Variants in SDC2 observed in about 807,000 individuals in gnomAD.
SDC2 encodes syndecan-2.
Under a neutral mutation model 22.2 loss-of-function variants are expected in SDC2, and 13 were observed. The observed-to-expected ratio is 0.59, with a 90% CI of 0.38 to 0.93. The LOEUF is 0.93. Ranked by LOEUF, SDC2 falls within the 40% of genes least tolerant of loss-of-function variation. The probability of loss-of-function intolerance (pLI) is 0.00; values close to 1 mark genes in which losing one functional copy is unlikely to be tolerated. For missense variants in SDC2, 235 were observed against 246.8 expected (o/e 0.95, Z 0.32); for synonymous variants, 94 against 92.8 (o/e 1.01, Z -0.07).
intron 3 of SDC2, among the ~76,000 whole-genome samples, chr8:96,604,381 A>G (rs982375560): frequency 3.9e-5 from 6 of 152,346 alleles, no homozygotes; most frequent in South Asian, 4.1e-4. Flanking sequence ...TATTCTTACT[A>G]TCATTTGTGT....
At chr8:96,557,950 A>T (rs183601182) in intron 1 of SDC2, among the ~76,000 whole-genome samples, 1 of 152,304 alleles carries the variant, frequency 6.6e-6, no homozygotes, top group African/African-American at 2.4e-5. Flanking sequence ...ACAGTGCGTT[A>T]AACTTATCCT....
intron 1 of SDC2, among the ~76,000 whole-genome samples, chr8:96,545,504 G>A (rs556618587): frequency 6.6e-6 from 1 of 152,310 alleles, no homozygotes. Flanking sequence ...TAAGTGGATG[G>A]AGAGGAGATG....
chr8:96,530,521 C>T (rs560744839), intron 1 of SDC2, among the ~76,000 whole-genome samples: 1 of 152,192 alleles, frequency 6.6e-6, no homozygotes, highest in South Asian at 2.1e-4. Context: ...GTAATCCCAG[C>T]TACTTGGGAG....
At chr8:96,519,854 C>CAAG (rs1381750170) in intron 1 of SDC2, among the ~76,000 whole-genome samples, 101 of 152,180 alleles carry the variant, frequency 6.6e-4, no homozygotes, top group Middle Eastern at 6.8e-3. Flanking sequence ...TCTTGAACTC[C>CAAG]TGACCTCAAG....
At chr8:96,599,301 C>G (rs569507903) in intron 2 of SDC2, among the ~76,000 whole-genome samples, 1 of 152,064 alleles carries the variant, frequency 6.6e-6, no homozygotes, top group East Asian at 1.9e-4. Context: ...AATCTCTTCC[C>G]TCATACAGAT....
chr8:96,507,704 A>C (rs1231761950), intron 1 of SDC2, among the ~76,000 whole-genome samples: 1 of 152,232 alleles, frequency 6.6e-6, no homozygotes, highest in Non-Finnish European at 1.5e-5. Flanking sequence ...GAAGGCTGCT[A>C]TTGTAGTTAA....
At chr8:96,602,906 G>A (rs1417109946) in intron 3 of SDC2, among the ~76,000 whole-genome samples, 1 of 152,170 alleles carries the variant, frequency 6.6e-6, no homozygotes, top group Non-Finnish European at 1.5e-5. Context: ...TACGTAATTA[G>A]AAGACTCCAG....
At chr8:96,511,577 T>C (rs982551227) in intron 1 of SDC2, among the ~76,000 whole-genome samples, 1 of 152,166 alleles carries the variant, frequency 6.6e-6, no homozygotes, top group Non-Finnish European at 1.5e-5. Context: ...GGCTTCTGCC[T>C]GGCAGTGACT....
At chr8:96,514,646 T>G (rs1285931321) in intron 1 of SDC2, among the ~76,000 whole-genome samples, 4 of 151,930 alleles carry the variant, frequency 2.6e-5, no homozygotes, top group Admixed American at 2.6e-4. Context: ...TGGGAGACAG[T>G]TTTTCCACAG....
At chr8:96,506,314 T>A (rs1469345565) in intron 1 of SDC2, among the ~76,000 whole-genome samples, 1 of 152,232 alleles carries the variant, frequency 6.6e-6, no homozygotes, top group Non-Finnish European at 1.5e-5. Flanking sequence ...AGTAACCTTA[T>A]ATTTCAACCA....
Position 96,494,809 on chromosome 8 carries a change from A to T in SDC2, c.60+478A>T, listed in dbSNP as rs560131001. Among the ~76,000 whole-genome samples the T allele has an allele frequency of 2.6e-5, 4 of 152,306 alleles. No individual in the cohort carries two copies. The South Asian group carries it at 8.3e-4, about 32-fold the overall frequency. ...CGCGCCAGCTTTCCTGTTTGACTGCATGCAAGTTCTGGGGAGATGGGGGCC... is the reference window on the plus strand; with the variant it reads ...CGCGCCAGCTTTCCTGTTTGACTGCTTGCAAGTTCTGGGGAGATGGGGGCC... On this transcript the variant is annotated intron_variant, in intron 1 of 4. Transcript: ENST00000302190.
rs1423460863 is a variant in SDC2 at position 96,576,378 on chromosome 8, TGTTTTG to T, written c.61-17101_61-17096del. ...AATAATTGGTAGTTTGTTTTTGTTT[TGTTTTG>T]TTTTTTTTTACCAGATTTGCTTTAT... On this transcript the variant is annotated intron_variant, in intron 1 of 4. Coordinates refer to ENST00000302190, the MANE Select transcript of SDC2 (RefSeq NM_002998.4). 5.8e-3 allele frequency among the ~76,000 whole-genome samples: 396 copies of T among 68,108 alleles called. 49 individuals are homozygous for T. The highest frequency in any genetic ancestry group is 6.7e-3 in the Non-Finnish European group (221 of 32,894). The allele number at this position is 68,108 out of a possible 152,430, so 44.7% of individuals were successfully genotyped here.
intron 1 of SDC2, among the ~76,000 whole-genome samples, chr8:96,563,143 G>C (rs1262845147): frequency 6.6e-6 from 1 of 152,146 alleles, no homozygotes; most frequent in East Asian, 1.9e-4. Context: ...CTTGTCAAAG[G>C]TTCCAATTTT....
At chr8:96,547,698 T>C (rs1813957204) in intron 1 of SDC2, among the ~76,000 whole-genome samples, 1 of 152,132 alleles carries the variant, frequency 6.6e-6, no homozygotes, top group Non-Finnish European at 1.5e-5. Flanking sequence ...ATTCTTTTTG[T>C]TAATATCTGA....
At chr8:96,522,324 T>C (rs767964819) in intron 1 of SDC2, among the ~76,000 whole-genome samples, 15 of 152,182 alleles carry the variant, frequency 9.9e-5, no homozygotes, top group Non-Finnish European at 1.9e-4. Context: ...TGGATGAGCT[T>C]TTGAAGTACA....
chr8:96,565,655 G>T (rs987731280), intron 1 of SDC2, among the ~76,000 whole-genome samples: 1 of 152,086 alleles, frequency 6.6e-6, no homozygotes, highest in Non-Finnish European at 1.5e-5. Flanking sequence ...TTATATCTGT[G>T]TCTCAGTTTT....
intron 1 of SDC2, among the ~76,000 whole-genome samples, chr8:96,507,335 CAT>C (rs779596563): frequency 8.5e-5 from 13 of 152,346 alleles, no homozygotes; most frequent in East Asian, 1.9e-4. Context: ...ATTTCTGGCA[CAT>C]GTTTGACAAA....
At chr8:96,547,108 T>G (rs1813947161) in intron 1 of SDC2, among the ~76,000 whole-genome samples, 1 of 152,252 alleles carries the variant, frequency 6.6e-6, no homozygotes, top group Non-Finnish European at 1.5e-5. Flanking sequence ...CTAAATGGCC[T>G]ATTGATTTGC....
At chr8:96,560,839 C>T (rs1419468576) in intron 1 of SDC2, among the ~76,000 whole-genome samples, 1 of 152,132 alleles carries the variant, frequency 6.6e-6, no homozygotes, top group East Asian at 1.9e-4. Context: ...GGCGTGATGG[C>T]TCACGCTTGT....
Sources: allele counts gnomAD v4.1 joint callset (sites outside exome capture counted in the v4.1 genomes callset), GRCh38; gene constraint gnomAD v4.1.1; transcripts MANE v1.5; gene names NCBI Gene and HGNC (gene_info 2026-07-23, HGNC 2026-07-21).